Variants in R3HDM2 observed in about 807,000 individuals in gnomAD.
R3HDM2 encodes the protein R3H domain-containing protein 2.
R3HDM2 carries 38 observed loss-of-function variants against 124.5 expected under a neutral mutation model. The observed-to-expected ratio is 0.31, with a 90% confidence interval of 0.24 to 0.40. R3HDM2 has a LOEUF of 0.40. R3HDM2 is among the 10% of genes least tolerant of loss of function. R3HDM2 has a pLI of 1.00. For missense variants in R3HDM2, 869 were observed against 1,236.9 expected, an observed-to-expected ratio of 0.70 and a Z score of 4.46; for synonymous variants, 391 against 448.0, an observed-to-expected ratio of 0.87 and a Z score of 1.61.
chr12:57,401,276 T>C (rs1016183332), intron 1 of R3HDM2, among the ~76,000 whole-genome samples: 2 of 150,694 alleles, frequency 1.3e-5, no homozygotes, highest in Non-Finnish European at 3.0e-5. Flanking sequence ...TGAATGACAC[T>C]GCGACCACCG....
chr12:57,270,913 C>T (rs1353931335), intron 14 of R3HDM2, among the ~76,000 whole-genome samples: 1 of 152,160 alleles, frequency 6.6e-6, no homozygotes, highest in Non-Finnish European at 1.5e-5. Context: ...GGAGCTATGA[C>T]ACAATTACTG....
intron 2 of R3HDM2, among the ~76,000 whole-genome samples, chr12:57,339,380 C>A (rs1169322741): frequency 6.6e-6 from 1 of 152,060 alleles, no homozygotes; most frequent in Non-Finnish European, 1.5e-5. Context: ...TTCCAGGGGG[C>A]AAGCATTCAA....
chr12:57,423,052 G>A (rs1000824569), intron 1 of R3HDM2, among the ~76,000 whole-genome samples: 3 of 152,072 alleles, frequency 2.0e-5, no homozygotes, highest in African/African-American at 7.2e-5. Context: ...AAAGTATAGC[G>A]TCACCAAATA....
chr12:57,310,510 T>G (rs2053678125), intron 2 of R3HDM2, 47 bp from the exon 3 acceptor site: 29 of 1,050,580 alleles, frequency 2.8e-5, no homozygotes, highest in Non-Finnish European at 3.6e-5. Context: ...TATCCATACT[T>G]AACAAATACA....
At chr12:57,423,607 T>C (rs934210149) in intron 1 of R3HDM2, among the ~76,000 whole-genome samples, 7 of 150,354 alleles carry the variant, frequency 4.7e-5, no homozygotes, top group Non-Finnish European at 1.0e-4. Flanking sequence ...AGCCCGGGAG[T>C]TTGAGACCAC....
rs150320869 is a variant in R3HDM2 at position 57,286,033 on chromosome 12, G to A, written c.939-1977C>T. 1.3e-3 allele frequency among the ~76,000 whole-genome samples: 198 copies of A among 152,244 alleles called. 2 individuals carry two copies. The highest frequency in any genetic ancestry group is 4.5e-3 in the African/African-American group (187 of 41,552). ...CTTGGAGAATCTAAGTTGAGTCTTG[G>A]CAGGAAAAAGATCAATTTTCCCTCT... On this transcript the variant is annotated intron_variant, in intron 12 of 23. Coordinates refer to ENST00000402412, the MANE Select transcript of R3HDM2 (RefSeq NM_001394031.1).
intron 2 of R3HDM2, among the ~76,000 whole-genome samples, chr12:57,360,231 T>A (rs1157547688): frequency 6.6e-6 from 1 of 151,320 alleles, no homozygotes; most frequent in Non-Finnish European, 1.5e-5. Context: ...TTTCACCATG[T>A]TGGCTAGGCT....
intron 2 of R3HDM2, among the ~76,000 whole-genome samples, chr12:57,352,616 G>T (rs148051343): frequency 6.6e-6 from 1 of 150,970 alleles, no homozygotes; most frequent in Non-Finnish European, 1.5e-5. Context: ...TCTCAGCCTC[G>T]TGAGTAGCTG....
At chr12:57,314,255 G>A (rs535711135) in intron 2 of R3HDM2, among the ~76,000 whole-genome samples, 2 of 151,654 alleles carry the variant, frequency 1.3e-5, no homozygotes, top group East Asian at 3.9e-4. Flanking sequence ...CGAGGCGGTT[G>A]GATAACCTGA....
In R3HDM2 at chr12:57,430,727, G is replaced by A. The variant is rs560947065; in HGVS notation, c.-113C>T. 0.011 allele frequency: 3,196 copies of A among 294,900 alleles called. 32 individuals carry two copies. Among genetic ancestry groups the A allele is most frequent in the Non-Finnish European group, 0.014 (2,775 of 200,252 alleles). The allele number at this position is 294,900 out of a possible 1,614,324, so 18.3% of individuals were successfully genotyped here. On this transcript the variant is annotated 5_prime_UTR_variant, in exon 1 of 24. Coordinates refer to ENST00000402412, the MANE Select transcript of R3HDM2 (RefSeq NM_001394031.1). ...GCCGGGAGGTGGCCTCACCTCGCAC[G>A]GGCCTTGGCGGGGAGGGCGCCCACG...
chr12:57,348,473 C>T (rs1272406134), intron 2 of R3HDM2, among the ~76,000 whole-genome samples: 1 of 151,960 alleles, frequency 6.6e-6, no homozygotes, highest in Non-Finnish European at 1.5e-5. Context: ...GCAGGTGAAT[C>T]ACCTGAGGTC....
At chr12:57,393,539 A>G (rs1363939428) in intron 2 of R3HDM2, among the ~76,000 whole-genome samples, 2 of 152,230 alleles carry the variant, frequency 1.3e-5, no homozygotes, top group Non-Finnish European at 2.9e-5. Context: ...AACAAAAAGA[A>G]AAAAGAATGA....
intron 11 of R3HDM2, among the ~76,000 whole-genome samples, chr12:57,289,638 T>C (rs868767761): frequency 1.3e-5 from 2 of 152,176 alleles, no homozygotes; most frequent in Admixed American, 6.6e-5. Context: ...ACAAAGCCAC[T>C]GAGCTGAGTG....
rs924620709 is a variant in R3HDM2 at position 57,268,323 on chromosome 12, A to C, written c.2010T>G (p.Pro670=). The change falls in exon 18 of 24, where the codon CCT becomes CCG. Residue 670 remains proline, a synonymous_variant. Coordinates refer to ENST00000402412, the MANE Select transcript of R3HDM2 (RefSeq NM_001394031.1). Reference sequence around the variant, plus strand: ...CTCACCTCGTACCGTTCTGCTGAGCAGGTGGGATCATGCTATAGTACACTG... The same window carrying C: ...CTCACCTCGTACCGTTCTGCTGAGCCGGTGGGATCATGCTATAGTACACTG... ...GVPVYYSMIP[P]AQQNGTSPSV... The C allele has an allele frequency of 5.0e-6, 8 of 1,613,832 alleles. No homozygotes were observed. The highest frequency in any genetic ancestry group is 6.8e-6 in the Non-Finnish European group (8 of 1,179,898).
At position 57,296,366 on chromosome 12, in the gene R3HDM2, G is replaced by T. The variant is rs2049885128; in HGVS notation, c.701+45C>A. 1.9e-6 allele frequency: 3 copies of T among 1,546,746 alleles called. No individual in the cohort carries two copies. Among genetic ancestry groups the T allele is most frequent in the Non-Finnish European group, 2.6e-6 (3 of 1,142,534 alleles). ...TACACCTTCCTCTTCCAACCCAGCAGGTTATCCCAGGGAAGTCTTCCCAAA... is the reference window on the plus strand; with the variant it reads ...TACACCTTCCTCTTCCAACCCAGCATGTTATCCCAGGGAAGTCTTCCCAAA... On this transcript the variant is annotated intron_variant, in intron 9 of 23. Coordinates refer to ENST00000402412, the MANE Select transcript of R3HDM2 (RefSeq NM_001394031.1). This position sits in a 1 kb window ranked among gnomAD's most constrained non-coding sequence, Gnocchi z 4.5.
At chr12:57,292,382 A>T (rs1336925471) in intron 11 of R3HDM2, among the ~76,000 whole-genome samples, 190 bp downstream of exon 11, 1 of 152,250 alleles carries the variant, frequency 6.6e-6, no homozygotes, top group Admixed American at 6.5e-5. Context: ...AAAACAATAT[A>T]AGTGAAAATC....
chr12:57,359,260 C>T (rs2061619901), intron 2 of R3HDM2, among the ~76,000 whole-genome samples: 1 of 152,102 alleles, frequency 6.6e-6, no homozygotes, highest in African/African-American at 2.4e-5. Flanking sequence ...GGTGTTTCGC[C>T]ATGCTGCCCA....
chr12:57,331,522 G>A (rs906663674), intron 2 of R3HDM2, among the ~76,000 whole-genome samples: 4 of 152,092 alleles, frequency 2.6e-5, no homozygotes, highest in African/African-American at 7.2e-5. Context: ...TGCTTTGCTC[G>A]CTGCTTATAA....
intron 12 of R3HDM2, among the ~76,000 whole-genome samples, chr12:57,286,819 G>A (rs374491540): frequency 3.6e-4 from 54 of 152,036 alleles, no homozygotes; most frequent in African/African-American, 1.2e-3. Context: ...CGGAGGTTGC[G>A]GTGAGCCGAG....
Sources: gnomAD v4.1 joint callset for allele counts (sites outside exome capture counted in the v4.1 genomes callset) on GRCh38, gnomAD v4.1.1 for gene constraint, Gnocchi (gnomAD v3.1) non-coding constraint, MANE v1.5 for transcripts, NCBI Gene and HGNC (gene_info 2026-07-23, HGNC 2026-07-21) for gene names.